The following ARAP1 variants were observed in gnomAD, a reference collection of about 807,000 sequenced individuals.
The protein encoded by ARAP1 is ArfGAP with RhoGAP domain, ankyrin repeat and PH domain 1.
A neutral mutation model predicts 172.2 loss-of-function variants in ARAP1; 76 were observed. That is an observed-to-expected ratio of 0.44 (90% CI 0.37 to 0.53). The LOEUF is 0.53. ARAP1 is among the 20% of genes least tolerant of loss of function. The pLI is 0.00. For missense variants in ARAP1, 1,686 were observed against 1,977.5 expected, an observed-to-expected ratio of 0.85 and a Z score of 2.80; for synonymous variants, 804 against 803.3, an observed-to-expected ratio of 1.00 and a Z score of -0.01.
chr11:72,686,371 C>T (rs1399693829), intron 33 of ARAP1, among the ~76,000 whole-genome samples, 180 bp from the exon 34 acceptor site: 1 of 152,208 alleles, frequency 6.6e-6, no homozygotes, highest in African/African-American at 2.4e-5. Context: ...TCTGGCAAAA[C>T]ACGGCCAGTT....
In ARAP1 at chr11:72,702,853, C is replaced by A. The variant is rs1856554498; in HGVS notation, c.2167+52G>T. 9 of 1,534,584 alleles carry A rather than the reference C, an allele frequency of 5.9e-6. No individual in the cohort carries two copies. The Admixed American group carries it at 1.7e-4, about 28-fold the overall frequency. On this transcript the variant is annotated intron_variant, in intron 15 of 34. Coordinates refer to ENST00000393609, the MANE Select transcript of ARAP1 (RefSeq NM_001040118.3). ...GCCTGAGAGCAGCAGGTAAATCAAA[C>A]CCCACCAGGCACTGCACAGCCTGGT...
At position 72,696,900 on chromosome 11, in the gene ARAP1, T is replaced by A. The variant is rs902742860; in HGVS notation, c.3166+83A>T. 9.9e-6 allele frequency: 14 copies of A among 1,411,652 alleles called. No homozygotes were observed. In the African/African-American group the frequency reaches 1.6e-4, roughly 16 times the overall value. 87.4% of individuals were successfully genotyped at this position (1,411,652 alleles called of 1,614,324 possible). A position where few individuals can be genotyped will look rare whatever the true frequency, so the allele number is the denominator to read the frequency against. On this transcript the variant is annotated intron_variant, in intron 22 of 34. Transcript: ENST00000393609. ...AGCCTGTGGGTTAGGGTAAGCCTAG[T>A]GCAAGTGCCACAAGGGAAGGGCGCA... is the stretch of plus-strand genomic sequence containing the variant.
intron 13 of ARAP1, 130 bp from the exon 14 acceptor site, chr11:72,704,464 G>C: frequency 5.8e-6 from 6 of 1,043,408 alleles, no homozygotes; most frequent in Non-Finnish European, 6.7e-6. Flanking sequence ...TTCCCAATGG[G>C]GAAGGTGAGG....
At chr11:72,739,573 G>A (rs571935185) in intron 1 of ARAP1, among the ~76,000 whole-genome samples, 53 of 152,288 alleles carry the variant, frequency 3.5e-4, no homozygotes, top group Admixed American at 3.1e-3. Flanking sequence ...TTTCTTGTCT[G>A]AAGCCTGGGG....
Position 72,697,614 on chromosome 11 carries a change from G to A in ARAP1, c.2773C>T (p.Leu925=), listed in dbSNP as rs142364282. The part of the protein sequence containing the change: ...QGDSENQVLV[L]VERRRTLYIQ... ...GTGGCTCACCTCCTTCGCTCCACCAGCACCAGCACCTGGTTCTCACTGTCC... is the reference window on the plus strand; with the variant it reads ...GTGGCTCACCTCCTTCGCTCCACCAACACCAGCACCTGGTTCTCACTGTCC... Residue 925 remains leucine, a synonymous_variant, in exon 20 of 35, where the codon CTG becomes TTG. Coordinates refer to ENST00000393609, the MANE Select transcript of ARAP1 (RefSeq NM_001040118.3). The A allele has an allele frequency of 4.8e-4, 775 of 1,613,980 alleles. 8 individuals carry two copies. The highest frequency in any genetic ancestry group is 1.6e-4 in the Middle Eastern group (1 of 6,084).
Position 72,699,013 on chromosome 11 carries a change from T to G in ARAP1, c.2533A>C (p.Ile845Leu), listed in dbSNP as rs1856345499. 1 of 1,613,886 alleles carries G rather than the reference T, an allele frequency of 6.2e-7. No individual in the cohort carries two copies. The highest frequency in any genetic ancestry group is 1.7e-5 in the Admixed American group (1 of 59,994). ...TGCTACCCCAGGCTCACCTTAGCAATACACTTGACCCACTCATGAGCCTGC... is the reference window on the plus strand; with the variant it reads ...TGCTACCCCAGGCTCACCTTAGCAAGACACTTGACCCACTCATGAGCCTGC... ...AEQAHEWVKC[I>L]AKAFVPPLAE... Residue 845 changes from isoleucine (I) to leucine (L), a missense_variant, in exon 18 of 35, where the codon ATT (isoleucine) becomes CTT (leucine). Ile to Leu is a conservative substitution (Grantham distance 5, BLOSUM62 2). This residue lies in a region of ARAP1 where 688 missense variants were observed against 856.9 expected (regional missense o/e 0.80). Coordinates refer to ENST00000393609, the MANE Select transcript of ARAP1 (RefSeq NM_001040118.3). This position sits in a 1 kb window ranked among gnomAD's most constrained non-coding sequence, Gnocchi z 4.2.
chr11:72,693,525 G>T lies in ARAP1; in HGVS notation c.3809-55C>A. The T allele has an allele frequency of 1.3e-6, 2 of 1,579,566 alleles. No individual in the cohort carries two copies. Among genetic ancestry groups the T allele is most frequent in the Non-Finnish European group, 1.7e-6 (2 of 1,159,630 alleles). On this transcript the variant is annotated intron_variant, in intron 28 of 34. Transcript: ENST00000393609. This position sits in a 1 kb window ranked among gnomAD's most constrained non-coding sequence, Gnocchi z 4.6. ...CTGCACCAACCCCTACCCGGGGCTGGGTCCCAGGATGAAGGAAGCTGCCCC... is the reference window on the plus strand; with the variant it reads ...CTGCACCAACCCCTACCCGGGGCTGTGTCCCAGGATGAAGGAAGCTGCCCC...
intron 3 of ARAP1, among the ~76,000 whole-genome samples, chr11:72,721,686 T>G (rs567457645): frequency 1.3e-5 from 2 of 149,398 alleles, no homozygotes; most frequent in Non-Finnish European, 3.0e-5. Flanking sequence ...AGAGAAGAAG[T>G]GGGGAAAGTG....
In ARAP1 at chr11:72,698,023, G is replaced by A. The variant is rs773322254; in HGVS notation, c.2625C>T (p.Ser875=). 1.2e-6 allele frequency: 2 copies of A among 1,609,848 alleles called. No homozygotes were observed. Among genetic ancestry groups the A allele is most frequent in the East Asian group, 2.2e-5 (1 of 44,776 alleles). Residue 875 remains serine, a synonymous_variant, in exon 19 of 35, where the codon AGC becomes AGT. Transcript: ENST00000393609. ...LGRLPYKAGL[S]LQRAQEGWFS... ...ACCAGCCCTCCTGGGCCCGCTGTAG[G>A]CTCAGGCCAGCTTTGTAGGGTAGGC...
rs1022640299 is a variant in ARAP1 at position 72,698,254 on chromosome 11, AACTTGGGT to A, written c.2542-156_2542-149del. 1.1e-5 allele frequency: 11 copies of A among 991,032 alleles called. No homozygotes were observed. In the African/African-American group the frequency reaches 1.3e-4, roughly 12 times the overall value. The allele number at this position is 991,032 out of a possible 1,614,324, so 61.4% of individuals were successfully genotyped here. A position where few individuals can be genotyped will look rare whatever the true frequency, so the allele number is the denominator to read the frequency against. ...AAGGCAGAACCAAGCCCAGTGATGG[AACTTGGGT>A]ACCATGCCCCACTTCATACCCACTC... is the stretch of plus-strand genomic sequence containing the variant. On this transcript the variant is annotated intron_variant, in intron 18 of 34. Coordinates refer to ENST00000393609, the MANE Select transcript of ARAP1 (RefSeq NM_001040118.3).
chr11:72,739,392 C>A (rs1858134746), intron 1 of ARAP1, among the ~76,000 whole-genome samples: 1 of 152,112 alleles, frequency 6.6e-6, no homozygotes, highest in African/African-American at 2.4e-5. Context: ...GGGGAGCAGC[C>A]CCTCAGGGCA....
In ARAP1 at chr11:72,699,330, C is replaced by T. The variant is rs1218084150; in HGVS notation, c.2438+87G>A. 6.3e-7 allele frequency: 1 copy of T among 1,581,390 alleles called. No homozygotes were observed. Among genetic ancestry groups the T allele is most frequent in the South Asian group, 1.2e-5 (1 of 86,876 alleles). On this transcript the variant is annotated intron_variant, in intron 17 of 34. Transcript: ENST00000393609. The surrounding 1 kb of genome is among the most constrained non-coding windows in gnomAD (Gnocchi z 4.2). ...TGCTGTGTGACTCTGCGGAGGTCCT[C>T]CCCTTCTCTGGGTCTATTTCCCTGT...
intron 1 of ARAP1, among the ~76,000 whole-genome samples, chr11:72,749,897 C>T (rs571220651): frequency 5.9e-5 from 9 of 152,162 alleles, no homozygotes; most frequent in Admixed American, 3.3e-4. Context: ...TTCCCTCTCC[C>T]TCTCTCCCCT....
chr11:72,713,493 G>A (rs1386854980), intron 4 of ARAP1, among the ~76,000 whole-genome samples: 1 of 152,220 alleles, frequency 6.6e-6, no homozygotes, highest in East Asian at 1.9e-4. Flanking sequence ...GAGCTTGGGG[G>A]TTGGGGTAAG....
chr11:72,714,290 G>A lies in ARAP1; in HGVS notation c.541C>T (p.Pro181Ser), dbSNP rs1305992269. ...LPTKEEESLL[P>S]SLSSPPQPQS... ...GGCTGGGGAGGGGATGATAATGATG[G>A]CAGCAATGACTCCTCCTCCTTAGTG... Residue 181 changes from proline (P) to serine (S), a missense_variant, in exon 4 of 35, where the codon CCA (proline) becomes TCA (serine). Physicochemically the swap from Pro to Ser is moderately conservative, Grantham distance 74 (BLOSUM62 -1). This residue lies in a region of ARAP1 where 155 missense variants were observed against 129.2 expected (regional missense o/e 1.20). Transcript: ENST00000393609. The A allele has an allele frequency of 6.5e-7, 1 of 1,546,726 alleles. No individual in the cohort carries two copies. The highest frequency in any genetic ancestry group is 8.7e-7 in the Non-Finnish European group (1 of 1,145,572).
intron 15 of ARAP1, among the ~76,000 whole-genome samples, chr11:72,701,986 T>C (rs1856508343): frequency 6.6e-6 from 1 of 152,052 alleles, no homozygotes; most frequent in Non-Finnish European, 1.5e-5. Context: ...GGAAATTCAC[T>C]CCACTCCCAA....
At chr11:72,729,755 T>TG (rs574139433) in intron 2 of ARAP1, among the ~76,000 whole-genome samples, 2 of 147,316 alleles carry the variant, frequency 1.4e-5, no homozygotes, top group Non-Finnish European at 3.0e-5. Flanking sequence ...CTGTCTCTAC[T>TG]AAAAAAAAAA....
chr11:72,722,299 C>A (rs372582040), intron 3 of ARAP1: 10 of 985,732 alleles, frequency 1.0e-5, no homozygotes, highest in Non-Finnish European at 1.2e-5. Context: ...GTGTCTCCCC[C>A]ACCTCCTGCA....
At chr11:72,687,904 A>G (rs952825943) in intron 31 of ARAP1, among the ~76,000 whole-genome samples, 166 bp from the exon 32 acceptor site, 1 of 152,066 alleles carries the variant, frequency 6.6e-6, no homozygotes, top group Non-Finnish European at 1.5e-5. Flanking sequence ...AGCCCCAACC[A>G]GCCTCCCAGG....
Sources: allele counts gnomAD v4.1 joint callset (sites outside exome capture counted in the v4.1 genomes callset), GRCh38; gene constraint gnomAD v4.1.1; regional missense constraint gnomAD v4.1.1; non-coding constraint Gnocchi (gnomAD v3.1); transcripts MANE v1.5; gene names NCBI Gene and HGNC (gene_info 2026-07-23, HGNC 2026-07-21).